The following KIAA1217 variants were observed in gnomAD, a reference collection of about 807,000 sequenced individuals.
KIAA1217 encodes the protein sickle tail protein homolog.
KIAA1217 carries 88 observed loss-of-function variants against 163.9 expected under a neutral mutation model. The ratio of observed to expected loss-of-function variants is 0.54; its 90% CI spans 0.45 to 0.64. The LOEUF is 0.64. Ranked by LOEUF, KIAA1217 falls within the 30% of genes least tolerant of loss-of-function variation. KIAA1217 has a pLI of 0.00. For missense variants in KIAA1217, 2,372 were observed against 2,475.0 expected, an observed-to-expected ratio of 0.96 and a Z score of 0.88; for synonymous variants, 903 against 923.1, an observed-to-expected ratio of 0.98 and a Z score of 0.39.
intron 19 of KIAA1217, among the ~76,000 whole-genome samples, chr10:24,544,685 T>C (rs1888657): frequency 0.42 from 63,773 of 151,698 alleles, 13,638 homozygotes; most frequent in East Asian, 0.48. Context: ...AGCTAATCAG[T>C]TCTGTTTTTG....
intron 1 of KIAA1217, among the ~76,000 whole-genome samples, chr10:23,916,556 T>C (rs1039392439): frequency 6.6e-6 from 1 of 152,180 alleles, no homozygotes; most frequent in African/African-American, 2.4e-5. Context: ...TTAGAATAAA[T>C]ACATAGTACC....
chr10:24,308,362 G>A (rs1386504722), intron 2 of KIAA1217, among the ~76,000 whole-genome samples: 1 of 152,228 alleles, frequency 6.6e-6, no homozygotes, highest in Non-Finnish European at 1.5e-5. Context: ...ACCCCAGGAA[G>A]GGGGAATTTG....
chr10:23,919,157 T>A (rs530818978), intron 1 of KIAA1217, among the ~76,000 whole-genome samples: 21 of 152,264 alleles, frequency 1.4e-4, no homozygotes, highest in African/African-American at 4.3e-4. Context: ...GCTTATCTCA[T>A]CAGAGAGGAA....
At chr10:24,536,219 G>T (rs2135235081) in intron 16 of KIAA1217, among the ~76,000 whole-genome samples, 1 of 152,288 alleles carries the variant, frequency 6.6e-6, no homozygotes. Flanking sequence ...CACTCGGAAT[G>T]ACATCGTTGC....
chr10:24,380,578 G>A (rs1489162107), intron 2 of KIAA1217, among the ~76,000 whole-genome samples: 1 of 151,784 alleles, frequency 6.6e-6, no homozygotes, highest in African/African-American at 2.4e-5. Flanking sequence ...GGAGGTGGAG[G>A]TTGTAGTGAG....
intron 1 of KIAA1217, among the ~76,000 whole-genome samples, chr10:23,988,910 T>C (rs186341684): frequency 1.3e-5 from 2 of 152,328 alleles, no homozygotes; most frequent in Non-Finnish European, 2.9e-5. Flanking sequence ...ACTCTTACCA[T>C]ATGGAAATGT....
intron 3 of KIAA1217, among the ~76,000 whole-genome samples, chr10:24,431,349 G>A (rs541787936): frequency 5.3e-5 from 8 of 152,306 alleles, no homozygotes; most frequent in African/African-American, 1.9e-4. Context: ...TCCTGTTTCA[G>A]TTATCTGTTT....
chr10:24,354,455 A>G (rs1426037177), intron 2 of KIAA1217, among the ~76,000 whole-genome samples: 1 of 152,230 alleles, frequency 6.6e-6, no homozygotes, highest in Non-Finnish European at 1.5e-5. Flanking sequence ...GCATGTTACC[A>G]TGCTCTTTTA....
intron 1 of KIAA1217, among the ~76,000 whole-genome samples, chr10:23,919,934 C>T (rs1270512132): frequency 1.3e-5 from 2 of 152,126 alleles, no homozygotes; most frequent in Non-Finnish European, 2.9e-5. Flanking sequence ...GTTGACATCT[C>T]AGACACAATT....
At chr10:23,714,750 T>C (rs1026820243) in intron 1 of KIAA1217, among the ~76,000 whole-genome samples, 6 of 152,096 alleles carry the variant, frequency 3.9e-5, no homozygotes, top group African/African-American at 1.4e-4. Context: ...CAAAAGGAGC[T>C]GAGAAACCAA....
intron 1 of KIAA1217, among the ~76,000 whole-genome samples, chr10:23,777,361 A>G (rs1835050904): frequency 6.6e-6 from 1 of 152,176 alleles, no homozygotes; most frequent in South Asian, 2.1e-4. Flanking sequence ...TTAACATTCC[A>G]TCTTAGACAA....
At chr10:24,306,383 G>A (rs566373692) in intron 2 of KIAA1217, among the ~76,000 whole-genome samples, 175 of 152,214 alleles carry the variant, frequency 1.1e-3, no homozygotes, top group African/African-American at 4.0e-3. Context: ...GTAATTCATC[G>A]TTTTGCCCCA....
intron 2 of KIAA1217, among the ~76,000 whole-genome samples, chr10:24,080,038 T>C (rs920466483): frequency 2.6e-5 from 4 of 152,324 alleles, no homozygotes; most frequent in East Asian, 3.9e-4. Flanking sequence ...ATCCAGGCCT[T>C]CTGTGGCCCT....
At chr10:23,967,809 G>A (rs4384300) in intron 1 of KIAA1217, among the ~76,000 whole-genome samples, 64,124 of 151,734 alleles carry the variant, frequency 0.42, 16,686 homozygotes, top group African/African-American at 0.74. Context: ...ATTTTATTTG[G>A]TAATATATAA....
At chr10:23,753,681 T>C (rs1335825) in intron 1 of KIAA1217, among the ~76,000 whole-genome samples, 30,444 of 152,098 alleles carry the variant, frequency 0.2, 3,174 homozygotes, top group Middle Eastern at 0.26. Flanking sequence ...TGGGGGTCTA[T>C]TTGATAATAA....
intron 5 of KIAA1217, among the ~76,000 whole-genome samples, chr10:24,455,031 G>A (rs563952144): frequency 2.4e-4 from 37 of 151,906 alleles, no homozygotes; most frequent in African/African-American, 7.8e-4. Flanking sequence ...ATGAAAATGA[G>A]AAATGTGGCA....
At chr10:23,841,391 G>A (rs1480917493) in intron 1 of KIAA1217, among the ~76,000 whole-genome samples, 1 of 152,100 alleles carries the variant, frequency 6.6e-6, no homozygotes, top group Non-Finnish European at 1.5e-5. Flanking sequence ...CAGTGAAATG[G>A]TACACAGTCC....
chr10:24,177,361 GTATA>G (rs58347791), intron 2 of KIAA1217, among the ~76,000 whole-genome samples: 11 of 129,242 alleles, frequency 8.5e-5, no homozygotes, highest in South Asian at 2.5e-4. Context: ...TATCATATGT[GTATA>G]TATATATATA....
intron 3 of KIAA1217, among the ~76,000 whole-genome samples, chr10:24,396,913 A>G (rs564827214): frequency 2.0e-4 from 31 of 152,258 alleles, no homozygotes; most frequent in African/African-American, 7.5e-4. Context: ...TGGGTTTGGA[A>G]CAGACTAAAG....
Sources: allele counts gnomAD v4.1 joint callset (sites outside exome capture counted in the v4.1 genomes callset), GRCh38; gene constraint gnomAD v4.1.1; transcripts MANE v1.5; gene names NCBI Gene and HGNC (gene_info 2026-07-23, HGNC 2026-07-21).